The following HGFAC variants were observed in gnomAD, a reference collection of about 807,000 sequenced individuals.
HGFAC encodes hepatocyte growth factor activator serine protease.
Under a neutral mutation model 70.6 loss-of-function variants are expected in HGFAC, and 76 were observed. That is an observed-to-expected ratio of 1.08 (90% CI 0.89 to 1.30). The LOEUF (loss-of-function observed/expected upper bound fraction) is 1.30. Ranked by LOEUF, HGFAC falls within the 50% of genes most tolerant of loss-of-function variation. HGFAC has a pLI of 0.00. For missense variants in HGFAC, 1,044 were observed against 933.7 expected (o/e 1.12, Z -1.54); for synonymous variants, 464 against 405.3 (o/e 1.14, Z -1.74).
intron 10 of HGFAC, 70 bp downstream of exon 10, chr4:3,446,364 GT>G: frequency 6.6e-7 from 1 of 1,525,074 alleles, no homozygotes; most frequent in South Asian, 1.2e-5. Flanking sequence ...CTATGCGCCT[GT>G]CCCCACCCGC....
intron 9 of HGFAC, 135 bp from the exon 10 acceptor site, chr4:3,445,907 G>T (rs746962267): frequency 6.5e-7 from 1 of 1,550,176 alleles, no homozygotes; most frequent in South Asian, 1.2e-5. Context: ...GTGAGTGGGC[G>T]CCAGGGCCTG....
At chr4:3,445,673 C>G in intron 9 of HGFAC, 1 of 607,220 alleles carries the variant, frequency 1.6e-6, no homozygotes, top group Non-Finnish European at 2.9e-6. Context: ...CAGAGGCCAC[C>G]TGCTTCCTGC....
rs538101167 is a variant in HGFAC, at chr4:3,442,090, C to T, written c.89C>T (p.Pro30Leu). Reference sequence around the variant, plus strand: ...CTCCTCCTGCTGCTGCTGCTGCTGCCACGGGGGTTCCAGCCCCAGCCTGGC... The same window carrying T: ...CTCCTCCTGCTGCTGCTGCTGCTGCTACGGGGGTTCCAGCCCCAGCCTGGC... ...LLLLLLLLLLPRGFQPQPGGN... is the reference protein window; with the variant it reads ...LLLLLLLLLLLRGFQPQPGGN... Residue 30 changes from proline (P) to leucine (L), a missense_variant, in exon 1 of 14, where the codon CCA (proline) becomes CTA (leucine). Transcript: ENST00000382774. 1.2e-5 allele frequency: 18 copies of T among 1,559,978 alleles called. No homozygotes were observed. In the African/African-American group the frequency reaches 2.0e-4, roughly 17 times the overall value.
At chr4:3,442,620 C>T (rs750314758) in intron 1 of HGFAC, 112 bp from the exon 2 acceptor site, 4 of 686,956 alleles carry the variant, frequency 5.8e-6, no homozygotes, top group Non-Finnish European at 9.2e-6. Context: ...GGAACCTGCT[C>T]CGAGATCTGG....
At chr4:3,443,734 C>T (rs1725393819) in intron 4 of HGFAC, among the ~76,000 whole-genome samples, 1 of 152,126 alleles carries the variant, frequency 6.6e-6, no homozygotes, top group African/African-American at 2.4e-5. Context: ...GTGCCAGCCG[C>T]CCTGCTCACA....
chr4:3,448,049 G>T lies in HGFAC; in HGVS notation c.1636+14G>T. On this transcript the variant is annotated intron_variant, in intron 12 of 13. Coordinates refer to ENST00000382774, the MANE Select transcript of HGFAC (RefSeq NM_001528.4). ...ACTTGGATGAGAGTGAGTTGGGAGG[G>T]GGGCGCCCAGCGCCCCGCCAGGGTG... is the stretch of plus-strand genomic sequence containing the variant. The T allele has an allele frequency of 6.4e-7, 1 of 1,554,842 alleles. No individual in the cohort carries two copies. The highest frequency in any genetic ancestry group is 8.7e-7 in the Non-Finnish European group (1 of 1,150,080).
chr4:3,441,861 G>A (rs1725323268), upstream of HGFAC: 3 of 529,162 alleles, frequency 5.7e-6, no homozygotes, highest in East Asian at 1.1e-4. The surrounding 1 kb of genome is among the most constrained non-coding windows in gnomAD (Gnocchi z 6.0). Flanking sequence ...GGGGGCCAGG[G>A]GACTCGGGGA....
chr4:3,448,150 C>A lies in HGFAC; in HGVS notation c.1659C>A (p.Ser553=). 1 of 1,596,752 alleles carries A rather than the reference C, an allele frequency of 6.3e-7. No individual in the cohort carries two copies. Among genetic ancestry groups the A allele is most frequent in the Non-Finnish European group, 8.5e-7 (1 of 1,172,926 alleles). ...LDENVSGYSS[S]LREALVPLVA... Reference sequence around the variant, plus strand: ...CAGACGTGAGCGGCTACTCCAGCTCCCTGCGGGAGGCCCTGGTCCCCCTGG... The same window carrying A: ...CAGACGTGAGCGGCTACTCCAGCTCACTGCGGGAGGCCCTGGTCCCCCTGG... The change falls in exon 13 of 14, where the codon TCC becomes TCA. Residue 553 remains serine (S), a synonymous_variant. Transcript: ENST00000382774.
intron 7 of HGFAC, 33 bp from the exon 8 acceptor site, chr4:3,444,786 C>T (rs17805201): frequency 0.16 from 250,820 of 1,576,556 alleles, 22,618 homozygotes; most frequent in Non-Finnish European, 0.18. Context: ...GTGGACCCAC[C>T]GTGGGCCGGC....
rs1247399579 is a variant in HGFAC, at chr4:3,443,000, G to A, written c.299-50G>A. On this transcript the variant is annotated intron_variant, in intron 2 of 13. Coordinates refer to ENST00000382774, the MANE Select transcript of HGFAC (RefSeq NM_001528.4). Reference sequence around the variant, plus strand: ...TGGCTGCGGCTGGAGGTCCTGAGGGGCTCGGGTGCCCCTCGAGGGAGCCCT... The same window carrying A: ...TGGCTGCGGCTGGAGGTCCTGAGGGACTCGGGTGCCCCTCGAGGGAGCCCT... The A allele has an allele frequency of 5.2e-6, 8 of 1,546,492 alleles. No individual in the cohort carries two copies. The South Asian group carries it at 9.1e-5, about 18-fold the overall frequency.
Position 3,447,636 on chromosome 4 carries a change from G to C in HGFAC, c.1495+5G>C, listed in dbSNP as rs1367408236. On this transcript the variant is annotated splice_donor_5th_base_variant and intron_variant, in intron 11 of 13. Transcript: ENST00000382774. ...ACCCCAGCGACCACGACCTCGGTGAGCTCCGGCGTGTCGTGGCTGCACTCT... is the reference window on the plus strand; with the variant it reads ...ACCCCAGCGACCACGACCTCGGTGACCTCCGGCGTGTCGTGGCTGCACTCT... The C allele has an allele frequency of 6.2e-7, 1 of 1,612,418 alleles. No homozygotes were observed. Among genetic ancestry groups the C allele is most frequent in the South Asian group, 1.1e-5 (1 of 91,044 alleles).
intron 1 of HGFAC, 83 bp downstream of exon 1, chr4:3,442,201 GC>G (rs1160552648): frequency 4.6e-6 from 5 of 1,090,858 alleles, no homozygotes; most frequent in Admixed American, 2.6e-5. Context: ...AGGGAGGGTC[GC>G]CACAGAGCGT....
upstream of HGFAC, chr4:3,441,897 A>G: frequency 1.6e-6 from 1 of 608,908 alleles, no homozygotes. This position sits in a 1 kb window ranked among gnomAD's most constrained non-coding sequence, Gnocchi z 6.0. Context: ...GGCCCGCCTG[A>G]CGTGGGAGGC....
At chr4:3,443,260 A>T (rs1288505889) in intron 3 of HGFAC, 81 bp from the exon 4 acceptor site, 41 of 876,942 alleles carry the variant, frequency 4.7e-5, no homozygotes, top group Non-Finnish European at 6.4e-5. Flanking sequence ...GACCCAGTGA[A>T]CCCAGAGACC....
chr4:3,448,012 C>G lies in HGFAC; in HGVS notation c.1613C>G (p.Ala538Gly). 6.4e-7 allele frequency: 1 copy of G among 1,560,256 alleles called. No homozygotes were observed. Among genetic ancestry groups the G allele is most frequent in the South Asian group, 1.2e-5 (1 of 85,360 alleles). The change falls in exon 12 of 14, where the codon GCG (alanine) becomes GGG (glycine). Residue 538 changes from alanine (A) to glycine (G), a missense_variant. Ala to Gly is a moderately conservative substitution (Grantham distance 60). Transcript: ENST00000382774. ...CCCGCAGGACACAAGTGCCAGATTG[C>G]GGGCTGGGGCCACTTGGATGAGAGT... ...TFPAGHKCQIAGWGHLDENVS... is the reference protein window; with the variant it reads ...TFPAGHKCQIGGWGHLDENVS...
rs1016352716 is a variant in HGFAC at position 3,447,440 on chromosome 4, C to T, written c.1356-52C>T. 4.5e-5 allele frequency: 72 copies of T among 1,602,660 alleles called. No homozygotes were observed. The African/African-American group carries it at 6.7e-4, about 15-fold the overall frequency. On this transcript the variant is annotated intron_variant, in intron 10 of 13. Coordinates refer to ENST00000382774, the MANE Select transcript of HGFAC (RefSeq NM_001528.4). ...TGACAGGGGGTGGGGAGAGGTGAGC[C>T]CGGTGGCTGGGGGAGGGCTGGTCCA...
chr4:3,443,554 C>T, intron 4 of HGFAC, 134 bp downstream of exon 4: 1 of 538,928 alleles, frequency 1.9e-6, no homozygotes, highest in East Asian at 3.5e-5. Flanking sequence ...TGGGATTAAC[C>T]CCGGTGGGTG....
chr4:3,441,836 G>A (rs1183753327), upstream of HGFAC: 6 of 513,988 alleles, frequency 1.2e-5, no homozygotes, highest in Non-Finnish European at 2.0e-5. The surrounding 1 kb of genome is among the most constrained non-coding windows in gnomAD (Gnocchi z 6.0). Flanking sequence ...TCAAAGTGAG[G>A]TGGGCAGCAG....
intron 10 of HGFAC, 70 bp downstream of exon 10, chr4:3,446,364 G>C: frequency 6.6e-7 from 1 of 1,525,074 alleles, no homozygotes; most frequent in Non-Finnish European, 8.8e-7. Flanking sequence ...CTATGCGCCT[G>C]TCCCCACCCG....
Sources: gnomAD v4.1 joint callset for allele counts (sites outside exome capture counted in the v4.1 genomes callset) on GRCh38, gnomAD v4.1.1 for gene constraint, Gnocchi (gnomAD v3.1) non-coding constraint, MANE v1.5 for transcripts, NCBI Gene and HGNC (gene_info 2026-07-23, HGNC 2026-07-21) for gene names.